ERBB4: variants seen among roughly 807,000 people sequenced by gnomAD.
ERBB4 encodes receptor tyrosine-protein kinase erbB-4.
In ERBB4, 42 loss-of-function variants were observed where a neutral mutation model predicts 158.0. The ratio of observed to expected loss-of-function variants is 0.27; its 90% CI spans 0.21 to 0.34. The LOEUF (loss-of-function observed/expected upper bound fraction) is 0.34. Ranked by LOEUF, ERBB4 falls within the 10% of genes least tolerant of loss-of-function variation. ERBB4 has a pLI of 1.00. For missense variants in ERBB4, 1,333 were observed against 1,624.1 expected (o/e 0.82, Z 3.08); for synonymous variants, 583 against 558.7 (o/e 1.04, Z -0.61).
At chr2:211,645,690 T>C (rs891332153) in intron 16 of ERBB4, among the ~76,000 whole-genome samples, 2 of 151,728 alleles carry the variant, frequency 1.3e-5, no homozygotes, top group African/African-American at 4.8e-5. Flanking sequence ...CGTACTTTGA[T>C]GGAACCTGTC....
intron 3 of ERBB4, among the ~76,000 whole-genome samples, chr2:211,864,545 G>T (rs1460845683): frequency 6.6e-6 from 1 of 152,086 alleles, no homozygotes; most frequent in Non-Finnish European, 1.5e-5. Context: ...AGAAAATTGG[G>T]ATATTATTAT....
intron 1 of ERBB4, among the ~76,000 whole-genome samples, chr2:212,345,543 C>T (rs2088956503): frequency 6.6e-6 from 1 of 152,018 alleles, no homozygotes; most frequent in Admixed American, 6.6e-5. Context: ...TAGACTTTAG[C>T]TAACATGCCG....
intron 25 of ERBB4, among the ~76,000 whole-genome samples, chr2:211,398,889 C>G (rs904859034): frequency 1.3e-5 from 2 of 152,136 alleles, no homozygotes; most frequent in Non-Finnish European, 2.9e-5. Context: ...AAATGAAGTC[C>G]ATTATTTGTG....
chr2:211,747,591 T>C (rs2075011968), intron 5 of ERBB4, among the ~76,000 whole-genome samples: 1 of 152,144 alleles, frequency 6.6e-6, no homozygotes, highest in Non-Finnish European at 1.5e-5. Flanking sequence ...ATTATAACTT[T>C]TGTGAAATTT....
At chr2:211,616,857 A>C (rs377522724) in intron 19 of ERBB4, among the ~76,000 whole-genome samples, 30 of 152,170 alleles carry the variant, frequency 2.0e-4, no homozygotes, top group African/African-American at 7.2e-4. Flanking sequence ...ATTTTCTTTA[A>C]CTTTTTTTAA....
chr2:211,733,877 T>C (rs1453288756), intron 5 of ERBB4, among the ~76,000 whole-genome samples: 1 of 148,596 alleles, frequency 6.7e-6, no homozygotes, highest in Non-Finnish European at 1.5e-5. Context: ...GGCCAGGAGT[T>C]CAAGACCAGC....
chr2:212,412,906 C>A (rs908026962), intron 1 of ERBB4, among the ~76,000 whole-genome samples: 1 of 152,092 alleles, frequency 6.6e-6, no homozygotes, highest in African/African-American at 2.4e-5. Flanking sequence ...GCCTGATGAA[C>A]AGAATAATTC....
At chr2:212,376,348 G>A (rs1303273867) in intron 1 of ERBB4, among the ~76,000 whole-genome samples, 4 of 152,052 alleles carry the variant, frequency 2.6e-5, no homozygotes, top group African/African-American at 9.7e-5. Flanking sequence ...CAAGAGCAAA[G>A]GTTGTGGCAA....
intron 1 of ERBB4, among the ~76,000 whole-genome samples, chr2:212,336,660 A>G (rs2088455555): frequency 6.6e-6 from 1 of 152,074 alleles, no homozygotes; most frequent in Non-Finnish European, 1.5e-5. Context: ...TGCCAGTGAA[A>G]TGTTCTTTGC....
chr2:211,979,692 T>C (rs377266427), intron 2 of ERBB4, among the ~76,000 whole-genome samples: 42 of 152,272 alleles, frequency 2.8e-4, no homozygotes, highest in African/African-American at 9.6e-4. Flanking sequence ...TTATACTGTT[T>C]TATTAGGTTC....
intron 1 of ERBB4, among the ~76,000 whole-genome samples, chr2:212,217,004 T>C (rs1163477204): frequency 6.6e-6 from 1 of 151,450 alleles, no homozygotes; most frequent in East Asian, 1.9e-4. Context: ...TGTGTTAAGA[T>C]TGCAGATCAA....
intron 3 of ERBB4, among the ~76,000 whole-genome samples, chr2:211,893,224 G>A (rs2079014180): frequency 6.9e-6 from 1 of 144,664 alleles, no homozygotes; most frequent in Non-Finnish European, 1.5e-5. Flanking sequence ...ATAGATCAAT[G>A]GAACAGAACA....
At chr2:211,903,798 A>G (rs2079302252) in intron 3 of ERBB4, among the ~76,000 whole-genome samples, 2 of 151,956 alleles carry the variant, frequency 1.3e-5, no homozygotes, top group South Asian at 4.1e-4. Flanking sequence ...AGAAAAAAAA[A>G]AGCACCTTTA....
intron 2 of ERBB4, among the ~76,000 whole-genome samples, chr2:212,057,674 A>G (rs1244121145): frequency 1.3e-5 from 2 of 152,220 alleles, no homozygotes; most frequent in Non-Finnish European, 2.9e-5. Flanking sequence ...CTGCTCCTGA[A>G]TGACTTCTGG....
chr2:212,303,017 G>A (rs1176612539), intron 1 of ERBB4, among the ~76,000 whole-genome samples: 1 of 151,342 alleles, frequency 6.6e-6, no homozygotes, highest in African/African-American at 2.4e-5. Context: ...AGGGAAAAAT[G>A]GGGAAAGAAG....
At position 211,924,859 on chromosome 2, in the gene ERBB4, C is replaced by T. The variant is rs192942859; in HGVS notation, c.421+22571G>A. Among the ~76,000 whole-genome samples, 75 of 152,304 alleles carry T rather than the reference C, an allele frequency of 4.9e-4. No individual in the cohort carries two copies. In the East Asian group the frequency reaches 0.013, roughly 27 times the overall value. Reference sequence around the variant, plus strand: ...AAGAAAAAGGACCAAGGATTAAAGACGTACGTTTATCCGCATCCATCCATT... The same window carrying T: ...AAGAAAAAGGACCAAGGATTAAAGATGTACGTTTATCCGCATCCATCCATT... On this transcript the variant is annotated intron_variant, in intron 3 of 27. Coordinates refer to ENST00000342788, the MANE Select transcript of ERBB4 (RefSeq NM_005235.3).
intron 12 of ERBB4, among the ~76,000 whole-genome samples, chr2:211,684,977 G>A (rs1478398491): frequency 2.0e-5 from 3 of 152,136 alleles, no homozygotes; most frequent in Non-Finnish European, 2.9e-5. Flanking sequence ...TGCAAACCCT[G>A]CTGTCTCAGA....
intron 3 of ERBB4, among the ~76,000 whole-genome samples, chr2:211,921,832 A>C (rs1325891527): frequency 1.3e-5 from 2 of 152,128 alleles, no homozygotes; most frequent in Non-Finnish European, 2.9e-5. Context: ...ACCTTATTTC[A>C]CCTATTCTAA....
chr2:212,333,797 T>G (rs1423663274), intron 1 of ERBB4, among the ~76,000 whole-genome samples: 1 of 152,018 alleles, frequency 6.6e-6, no homozygotes, highest in Admixed American at 6.6e-5. Flanking sequence ...GATGAGCTTG[T>G]TTGTGAACCA....
Sources: allele counts gnomAD v4.1 joint callset (sites outside exome capture counted in the v4.1 genomes callset), GRCh38; gene constraint gnomAD v4.1.1; transcripts MANE v1.5; gene names NCBI Gene and HGNC (gene_info 2026-07-23, HGNC 2026-07-21).